LIN54: variants seen among roughly 807,000 people sequenced by gnomAD.
The protein encoded by LIN54 is lin-54 DREAM MuvB core complex component.
Under a neutral mutation model 78.7 loss-of-function variants are expected in LIN54, and 9 were observed. The ratio of observed to expected loss-of-function variants is 0.11; its 90% CI spans 0.07 to 0.20. LIN54 has a LOEUF of 0.20. Among genes scored for constraint, LIN54 ranks in the 10% least tolerant of loss-of-function variants. The probability of loss-of-function intolerance (pLI) is 1.00; values close to 1 mark genes in which losing one functional copy is unlikely to be tolerated. For missense variants in LIN54, 573 were observed against 889.9 expected, an observed-to-expected ratio of 0.64 and a Z score of 4.53; for synonymous variants, 269 against 318.4, an observed-to-expected ratio of 0.84 and a Z score of 1.65.
chr4:82,938,929 T>C, intron 7 of LIN54, among the ~76,000 whole-genome samples: 1 of 152,234 alleles, frequency 6.6e-6, no homozygotes, highest in East Asian at 1.9e-4. Context: ...TGAGTTTCTA[T>C]TTTACACCAA....
intron 4 of LIN54, among the ~76,000 whole-genome samples, chr4:82,947,196 C>CA (rs1432412368): frequency 2.0e-5 from 2 of 97,810 alleles, no homozygotes; most frequent in East Asian, 3.1e-4. Context: ...TTCCCTGAGT[C>CA]AAAAAAAAAT....
At chr4:83,007,918 G>A (rs1267037234) in intron 1 of LIN54, among the ~76,000 whole-genome samples, 1 of 151,632 alleles carries the variant, frequency 6.6e-6, no homozygotes, top group Non-Finnish European at 1.5e-5. Flanking sequence ...CAAACACCAG[G>A]GCTTACAATT....
chr4:82,986,353 G>A (rs886138376), intron 1 of LIN54, among the ~76,000 whole-genome samples: 5 of 152,092 alleles, frequency 3.3e-5, no homozygotes, highest in Non-Finnish European at 5.9e-5. Context: ...CCAACCTCAG[G>A]TGATCTGCCC....
At chr4:82,954,545 G>A (rs1156371073) in intron 4 of LIN54, among the ~76,000 whole-genome samples, 2 of 152,028 alleles carry the variant, frequency 1.3e-5, no homozygotes, top group African/African-American at 4.8e-5. Context: ...AGCCTGCCAA[G>A]TAGTAGGAAG....
chr4:82,929,805 CAAAAAG>C (rs1449351335), intron 12 of LIN54, among the ~76,000 whole-genome samples: 1 of 151,990 alleles, frequency 6.6e-6, no homozygotes, highest in African/African-American at 2.4e-5. Context: ...GACTCTATCT[CAAAAAG>C]AAAACAAAAC....
At chr4:82,978,767 G>T in intron 3 of LIN54, 116 bp downstream of exon 3, 1 of 569,168 alleles carries the variant, frequency 1.8e-6, no homozygotes, top group Non-Finnish European at 2.9e-6. Context: ...AACTAGTCTG[G>T]TTTATAATAA....
chr4:82,994,089 T>C (rs1239901886), intron 1 of LIN54, among the ~76,000 whole-genome samples: 1 of 152,132 alleles, frequency 6.6e-6, no homozygotes. Context: ...GCCTTTAATA[T>C]GAAAACTTTT....
At chr4:82,945,748 C>A (rs1723302947) in intron 5 of LIN54, among the ~76,000 whole-genome samples, 1 of 152,176 alleles carries the variant, frequency 6.6e-6, no homozygotes, top group Non-Finnish European at 1.5e-5. Flanking sequence ...CCTGCCTCAG[C>A]CTCCCAAAGT....
upstream of LIN54, chr4:83,010,932 G>A: frequency 2.3e-6 from 2 of 880,026 alleles, no homozygotes; most frequent in East Asian, 3.8e-5. Flanking sequence ...AACGCACAAG[G>A]GCCGTGCAAG....
intron 1 of LIN54, among the ~76,000 whole-genome samples, chr4:82,988,552 A>G (rs557502336): frequency 2.6e-5 from 4 of 152,358 alleles, no homozygotes; most frequent in South Asian, 4.1e-4. Context: ...GTAAATATCT[A>G]GAAGATCTGG....
intron 11 of LIN54, among the ~76,000 whole-genome samples, chr4:82,932,711 G>T (rs1722066857): frequency 1.3e-5 from 2 of 151,072 alleles, no homozygotes; most frequent in Admixed American, 6.6e-5. Context: ...TGTAATCTCA[G>T]CTACTCGAGA....
intron 11 of LIN54, among the ~76,000 whole-genome samples, chr4:82,931,596 C>A (rs1032030683): frequency 6.6e-6 from 1 of 152,132 alleles, no homozygotes; most frequent in African/African-American, 2.4e-5. Context: ...TTCTATTATG[C>A]TATTTTTAAT....
intron 3 of LIN54, among the ~76,000 whole-genome samples, chr4:82,978,046 G>C (rs950425274): frequency 3.3e-5 from 5 of 152,028 alleles, no homozygotes; most frequent in Non-Finnish European, 7.4e-5. Context: ...AAGAATTTGA[G>C]GACAGGAAAG....
chr4:83,009,728 C>G (rs956573136), intron 1 of LIN54, among the ~76,000 whole-genome samples: 7 of 152,298 alleles, frequency 4.6e-5, no homozygotes, highest in East Asian at 3.9e-4. Context: ...AATGTACTCA[C>G]AACAAATGCT....
At chr4:82,999,827 A>G (rs1370438306) in intron 1 of LIN54, among the ~76,000 whole-genome samples, 1 of 150,722 alleles carries the variant, frequency 6.6e-6, no homozygotes, top group Non-Finnish European at 1.5e-5. Flanking sequence ...GCTTCCAGTG[A>G]CCAAGAATTC....
intron 11 of LIN54, among the ~76,000 whole-genome samples, chr4:82,933,010 G>A (rs1361757561): frequency 6.6e-6 from 1 of 151,930 alleles, no homozygotes; most frequent in East Asian, 1.9e-4. Flanking sequence ...CACCTAGCAA[G>A]ATAAACGGGC....
intron 5 of LIN54, among the ~76,000 whole-genome samples, chr4:82,942,892 A>ACACCCT (rs1553948199): frequency 1.8e-4 from 26 of 142,474 alleles, no homozygotes; most frequent in Non-Finnish European, 3.5e-4. Context: ...ACACACACAC[A>ACACCCT]CCCTCCCTCC....
intron 4 of LIN54, among the ~76,000 whole-genome samples, chr4:82,954,882 G>A (rs1335875668): frequency 2.0e-5 from 3 of 152,056 alleles, no homozygotes; most frequent in African/African-American, 7.2e-5. Context: ...TAAACATAAA[G>A]TGCAAAACTA....
rs1238126435 is a variant in LIN54 at position 82,939,665 on chromosome 4, C to G, written c.1314G>C (p.Met438Ile). Reference protein sequence around the residue: ...TTSQPQQRLIMPATPLPQIQP... With the variant: ...TTSQPQQRLIIPATPLPQIQP... ...GGATCTGTGGCAGTGGTGTGGCAGG[C>G]ATGATAAGCCGTTGCTGTGGCTGGC... The change falls in exon 7 of 13, where the codon ATG (methionine) becomes ATC (isoleucine). Residue 438 changes from methionine (M) to isoleucine (I), a missense_variant. Physicochemically the swap from Met to Ile is conservative, Grantham distance 10. Transcript: ENST00000340417. The G allele has an allele frequency of 6.2e-7, 1 of 1,613,840 alleles. No homozygotes were observed. The highest frequency in any genetic ancestry group is 1.3e-5 in the African/African-American group (1 of 74,914).
Sources: allele counts gnomAD v4.1 joint callset (sites outside exome capture counted in the v4.1 genomes callset), GRCh38; gene constraint gnomAD v4.1.1; transcripts MANE v1.5; gene names NCBI Gene and HGNC (gene_info 2026-07-23, HGNC 2026-07-21).